The following EP400 variants were observed in gnomAD, a reference collection of about 807,000 sequenced individuals.
EP400 encodes the protein E1A binding protein p400.
EP400 carries 105 observed loss-of-function variants against 354.1 expected under a neutral mutation model. The observed-to-expected ratio is 0.30, with a 90% CI of 0.25 to 0.35. EP400 has a LOEUF of 0.35. Among genes scored for constraint, EP400 ranks in the 10% least tolerant of loss-of-function variants. The pLI, the probability that EP400 is intolerant of heterozygous loss-of-function variation, is 1.00. For missense variants in EP400, 3,280 were observed against 4,121.0 expected (o/e 0.80, Z 5.59); for synonymous variants, 1,646 against 1,716.9 (o/e 0.96, Z 1.02).
chr12:132,061,546 G>A (rs975101853), intron 45 of EP400, among the ~76,000 whole-genome samples: 2 of 152,216 alleles, frequency 1.3e-5, no homozygotes, highest in East Asian at 1.9e-4. Flanking sequence ...AAGGAAGGAC[G>A]GTGAGGCAAG....
chr12:131,954,597 C>T (rs1407654131), intron 1 of EP400, among the ~76,000 whole-genome samples: 3 of 151,100 alleles, frequency 2.0e-5, no homozygotes, highest in Admixed American at 6.6e-5. Flanking sequence ...TGGTGGTGTA[C>T]GCCTGTAATC....
intron 45 of EP400, among the ~76,000 whole-genome samples, chr12:132,060,376 T>C (rs558010296): frequency 1.3e-5 from 2 of 152,288 alleles, no homozygotes; most frequent in Non-Finnish European, 2.9e-5. Flanking sequence ...AACTTACTAA[T>C]GACACTGATG....
rs1051793286 is a variant in EP400 at position 131,994,176 on chromosome 12, T to C, written c.2738-691T>C. On this transcript the variant is annotated intron_variant, in intron 11 of 52. Transcript: ENST00000389561. This position sits in a 1 kb window ranked among gnomAD's most constrained non-coding sequence, Gnocchi z 4.6. ...GTGCCTAGGCCTTCTTGGTGGGCAG[T>C]GGGGGTCTTGTAGTGAAGAAATGAG... is the stretch of plus-strand genomic sequence containing the variant. Among the ~76,000 whole-genome samples, 4 of 151,582 alleles carry C rather than the reference T, an allele frequency of 2.6e-5. No homozygotes were observed. The highest frequency in any genetic ancestry group is 9.7e-5 in the African/African-American group (4 of 41,210).
rs1481055254 is a variant in EP400 at position 132,032,114 on chromosome 12, T to C, written c.5916T>C (p.Asp1972=). 1.2e-6 allele frequency: 2 copies of C among 1,614,078 alleles called. No homozygotes were observed. The highest frequency in any genetic ancestry group is 2.2e-5 in the East Asian group (1 of 44,880). The change falls in exon 30 of 53, where the codon GAT becomes GAC. Residue 1972 remains aspartate, a synonymous_variant. Coordinates refer to ENST00000389561, the MANE Select transcript of EP400 (RefSeq NM_015409.5). ...VMDAKAQEWC[D]RIGRCKDIHI... ...ATGCCAAAGCTCAGGAGTGGTGCGA[T>C]AGGATCGGGAGATGCAAAGACATCC...
chr12:131,954,899 G>GT (rs1293750790), intron 1 of EP400, among the ~76,000 whole-genome samples: 1 of 150,968 alleles, frequency 6.6e-6, no homozygotes, highest in Non-Finnish European at 1.5e-5. Flanking sequence ...GTGGTGGCGT[G>GT]TAAGTCCCAG....
At chr12:132,033,926 T>C (rs898728838) in intron 30 of EP400, among the ~76,000 whole-genome samples, 2 of 152,238 alleles carry the variant, frequency 1.3e-5, no homozygotes, top group African/African-American at 4.8e-5. Flanking sequence ...ATAAATGCAT[T>C]ACATGTTCCT....
chr12:132,011,988 G>A, intron 16 of EP400, among the ~76,000 whole-genome samples: 1 of 152,208 alleles, frequency 6.6e-6, no homozygotes, highest in East Asian at 1.9e-4. Context: ...GAAGCTAGGT[G>A]CTCCCAGCTC....
Position 132,079,438 on chromosome 12 carries a change from AC to A in EP400, c.*1766del, listed in dbSNP as rs1332290384. ...GCCTCACATCTGGCTCCCAGTGGAA[AC>A]TTTTACTCCTCCTCATCCGCAGATG... is the stretch of plus-strand genomic sequence containing the variant. On this transcript the variant is annotated 3_prime_UTR_variant, in exon 53 of 53. Coordinates refer to ENST00000389561, the MANE Select transcript of EP400 (RefSeq NM_015409.5). 4 of 152,382 alleles carry A rather than the reference AC, an allele frequency of 2.6e-5. No individual in the cohort carries two copies. In the East Asian group the frequency reaches 7.7e-4, roughly 29 times the overall value. The allele number at this position is 152,382 out of a possible 1,614,324, so 9.4% of individuals were successfully genotyped here.
At chr12:131,951,536 T>C (rs1423522138) in intron 1 of EP400, among the ~76,000 whole-genome samples, 1 of 152,194 alleles carries the variant, frequency 6.6e-6, no homozygotes, top group Non-Finnish European at 1.5e-5. Flanking sequence ...TGTATTCTTT[T>C]TTACTTATTT....
intron 7 of EP400, among the ~76,000 whole-genome samples, chr12:131,989,713 G>C (rs1211968738): frequency 6.6e-6 from 1 of 152,164 alleles, no homozygotes; most frequent in African/African-American, 2.4e-5. Context: ...TGGTATTCTA[G>C]TTTTGAGGAA....
rs1565920550 is a variant in EP400 at position 132,027,010 on chromosome 12, T to C, written c.5015-427T>C. Among the ~76,000 whole-genome samples, 1 of 152,196 alleles carries C rather than the reference T, an allele frequency of 6.6e-6. No individual in the cohort carries two copies. On this transcript the variant is annotated intron_variant, in intron 25 of 52. Coordinates refer to ENST00000389561, the MANE Select transcript of EP400 (RefSeq NM_015409.5). The surrounding 1 kb of genome is among the most constrained non-coding windows in gnomAD (Gnocchi z 4.9). ...TTGCAGTTGTGAGGACTGGGTGGAC[T>C]TCCTGCCGGGGCTGGGCTGCTCATG...
intron 50 of EP400, 50 bp from the exon 51 acceptor site, chr12:132,069,445 C>T: frequency 6.3e-7 from 1 of 1,594,512 alleles, no homozygotes; most frequent in Middle Eastern, 1.7e-4. Context: ...TCCCGGGAGT[C>T]TTGAGCGCGG....
At position 132,077,488 on chromosome 12, in the gene EP400, G is replaced by A. The variant is rs1489930686; in HGVS notation, c.9187G>A (p.Val3063Met). The change falls in exon 53 of 53, where the codon GTG becomes ATG. Residue 3063 changes from valine to methionine, a missense_variant. By Grantham distance (21) the Val-to-Met change is conservative (BLOSUM62 1). Coordinates refer to ENST00000389561, the MANE Select transcript of EP400 (RefSeq NM_015409.5). The stretch of plus-strand genomic sequence containing the variant: ...CCCTGCAGTGACCGCGACTGCCCAG[G>A]TGGTTCAGCAGAAACTCATTCAGCA... Reference protein sequence around the residue: ...MIPAVTATAQVVQQKLIQQQV... With the variant: ...MIPAVTATAQMVQQKLIQQQV... 6.2e-7 allele frequency: 1 copy of A among 1,613,546 alleles called. No homozygotes were observed. The highest frequency in any genetic ancestry group is 8.5e-7 in the Non-Finnish European group (1 of 1,180,030).
rs147615479 is a variant in EP400 at position 132,020,094 on chromosome 12, C to T, written c.4323C>T (p.Thr1441=). ...ATGGCCAGAAGCCCGAGGGTCGCAC[C>T]GTGGCTTTCCCCAGCACTCACCCGC... ...VQYGQKPEGR[T]VAFPSTHPPR... Residue 1441 remains threonine, a synonymous_variant, in exon 22 of 53, where the codon ACC becomes ACT. Transcript: ENST00000389561. The T allele has an allele frequency of 8.8e-3, 14,108 of 1,602,240 alleles. 82 individuals are homozygous for T. Among genetic ancestry groups the T allele is most frequent in the Non-Finnish European group, 0.01 (12,180 of 1,174,212 alleles).
rs933436404 is a variant in EP400 at position 132,017,206 on chromosome 12, C to T, written c.3924-329C>T. Among the ~76,000 whole-genome samples, 3 of 152,370 alleles carry T rather than the reference C, an allele frequency of 2.0e-5. No individual in the cohort carries two copies. Among genetic ancestry groups the T allele is most frequent in the African/African-American group, 2.4e-5 (1 of 41,598 alleles). ...GTGTGTGAGGGGCTTTACTCTGCTG[C>T]GCTCACCCTGCCCCTCACTTTGCTC... is the stretch of plus-strand genomic sequence containing the variant. On this transcript the variant is annotated intron_variant, in intron 19 of 52. Coordinates refer to ENST00000389561, the MANE Select transcript of EP400 (RefSeq NM_015409.5). The surrounding 1 kb of genome is among the most constrained non-coding windows in gnomAD (Gnocchi z 5.0).
intron 3 of EP400, among the ~76,000 whole-genome samples, chr12:131,980,071 A>G (rs766054726): frequency 6.6e-6 from 1 of 152,172 alleles, no homozygotes; most frequent in Non-Finnish European, 1.5e-5. Flanking sequence ...TAAACACAAA[A>G]TCATCTGCTT....
rs759570114 is a variant in EP400, at chr12:132,075,301, G to A, written c.9022-1215G>A. Reference sequence around the variant, plus strand: ...TGCGACCCTGGAGATCACGGGGTGCGTCTCCATGTGGCCAGCGATCCCGGG... The same window carrying A: ...TGCGACCCTGGAGATCACGGGGTGCATCTCCATGTGGCCAGCGATCCCGGG... On this transcript the variant is annotated intron_variant, in intron 51 of 52. Coordinates refer to ENST00000389561, the MANE Select transcript of EP400 (RefSeq NM_015409.5). This position sits in a 1 kb window ranked among gnomAD's most constrained non-coding sequence, Gnocchi z 4.5. 1.5e-4 allele frequency among the ~76,000 whole-genome samples: 23 copies of A among 151,930 alleles called. No homozygotes were observed. Among genetic ancestry groups the A allele is most frequent in the South Asian group, 2.1e-4 (1 of 4,820 alleles).
chr12:132,045,218 C>G (rs1384626902), intron 37 of EP400, 101 bp from the exon 38 acceptor site: 2 of 1,526,858 alleles, frequency 1.3e-6, no homozygotes, highest in Non-Finnish European at 1.8e-6. Context: ...CCTCTTTGCC[C>G]AGGCACCTCC....
chr12:132,029,860 C>G lies in EP400; in HGVS notation c.5541C>G (p.Arg1847=). 1 of 1,612,836 alleles carries G rather than the reference C, an allele frequency of 6.2e-7. No individual in the cohort carries two copies. The highest frequency in any genetic ancestry group is 8.5e-7 in the Non-Finnish European group (1 of 1,180,024). ...FQQLRQTTAP[R]LLQFPELRLV... ...AGCTGCGGCAGACCACGGCTCCACG[C>G]CTGCTGCAGTTCCCTGAGCTGAGGC... is the stretch of plus-strand genomic sequence containing the variant. Residue 1847 remains arginine (R), a synonymous_variant, in exon 28 of 53, where the codon CGC becomes CGG. Transcript: ENST00000389561. The surrounding 1 kb of genome is among the most constrained non-coding windows in gnomAD (Gnocchi z 4.7).
Sources: allele counts gnomAD v4.1 joint callset (sites outside exome capture counted in the v4.1 genomes callset), GRCh38; gene constraint gnomAD v4.1.1; non-coding constraint Gnocchi (gnomAD v3.1); transcripts MANE v1.5; gene names NCBI Gene and HGNC (gene_info 2026-07-23, HGNC 2026-07-21).